The following CTNNA3 variants were observed in gnomAD, a reference collection of about 807,000 sequenced individuals.
The protein encoded by CTNNA3 is catenin alpha-3.
Under a neutral mutation model 95.7 loss-of-function variants are expected in CTNNA3, and 76 were observed. The observed-to-expected ratio is 0.79, with a 90% confidence interval of 0.66 to 0.96. The LOEUF (loss-of-function observed/expected upper bound fraction) is 0.96, where lower values mean the gene tolerates loss of function less well. CTNNA3 is among the 40% of genes least tolerant of loss of function. CTNNA3 has a pLI of 0.00. For synonymous variants in CTNNA3, 431 were observed against 374.4 expected (o/e 1.15, Z -1.74); for missense variants, 1,191 against 1,089.8 (o/e 1.09, Z -1.31).
At chr10:67,392,186 A>C (rs1844525350) in intron 5 of CTNNA3, among the ~76,000 whole-genome samples, 2 of 152,346 alleles carry the variant, frequency 1.3e-5, no homozygotes, top group Middle Eastern at 6.8e-3. Context: ...CAGAATCTAC[A>C]GTGAACTCAA....
chr10:66,862,510 G>A (rs1843981524), intron 7 of CTNNA3, among the ~76,000 whole-genome samples: 1 of 152,092 alleles, frequency 6.6e-6, no homozygotes, highest in African/African-American at 2.4e-5. Context: ...TTTGTGGAGG[G>A]GATATGGAAC....
At chr10:66,384,143 C>T (rs1040278876) in intron 11 of CTNNA3, among the ~76,000 whole-genome samples, 12 of 152,054 alleles carry the variant, frequency 7.9e-5, no homozygotes, top group African/African-American at 2.9e-4. Flanking sequence ...TTAAAAGACA[C>T]AGAGTGGCAT....
At chr10:67,243,307 C>T (rs1865786694) in intron 5 of CTNNA3, among the ~76,000 whole-genome samples, 1 of 152,126 alleles carries the variant, frequency 6.6e-6, no homozygotes, top group South Asian at 2.1e-4. Context: ...TATTATTACA[C>T]TCATTAACTA....
At chr10:66,332,411 A>ATACGTCCCATCAATACC (rs547582871) in intron 12 of CTNNA3, among the ~76,000 whole-genome samples, 84,488 of 146,558 alleles carry the variant, frequency 0.58, 25,671 homozygotes, top group African/African-American at 0.75. Flanking sequence ...TTATTTTGAG[A>ATACGTCCCATCAATACC]TAATTTATTG....
At chr10:66,828,774 G>C (rs1440567660) in intron 7 of CTNNA3, among the ~76,000 whole-genome samples, 1 of 152,160 alleles carries the variant, frequency 6.6e-6, no homozygotes, top group African/African-American at 2.4e-5. Flanking sequence ...ACCACTTGGA[G>C]AGTCATAGTC....
At chr10:67,116,721 A>AAT (rs34041126) in intron 7 of CTNNA3, among the ~76,000 whole-genome samples, 1,528 of 143,480 alleles carry the variant, frequency 0.011, 12 homozygotes, top group African/African-American at 0.022. Flanking sequence ...CAGTTTTGAA[A>AAT]ATATATATAT....
intron 7 of CTNNA3, among the ~76,000 whole-genome samples, chr10:66,938,981 T>C (rs1185971311): frequency 6.6e-6 from 1 of 152,150 alleles, no homozygotes; most frequent in Non-Finnish European, 1.5e-5. Flanking sequence ...GATGTCTCCT[T>C]ATCTCAGCCC....
chr10:66,290,378 G>A (rs1395074245), intron 12 of CTNNA3, among the ~76,000 whole-genome samples: 1 of 151,900 alleles, frequency 6.6e-6, no homozygotes. Context: ...CAAAAATGAA[G>A]CAATGGGTTA....
At chr10:66,703,890 A>C (rs1368116655) in intron 9 of CTNNA3, among the ~76,000 whole-genome samples, 4 of 152,178 alleles carry the variant, frequency 2.6e-5, no homozygotes, top group Non-Finnish European at 4.4e-5. Flanking sequence ...CAAATTTGTC[A>C]ATGAATTTTT....
chr10:67,740,960 C>T (rs995594577), intron 1 of CTNNA3, among the ~76,000 whole-genome samples: 20 of 151,264 alleles, frequency 1.3e-4, no homozygotes, highest in African/African-American at 4.8e-5. Context: ...ACATATACAC[C>T]ATGGAATACT....
At chr10:66,565,019 C>T (rs979107912) in intron 10 of CTNNA3, among the ~76,000 whole-genome samples, 2 of 152,168 alleles carry the variant, frequency 1.3e-5, no homozygotes, top group Admixed American at 1.3e-4. Flanking sequence ...AAATACCATT[C>T]TACCTTCCTT....
At chr10:67,391,118 C>T (rs867482638) in intron 5 of CTNNA3, among the ~76,000 whole-genome samples, 12 of 151,664 alleles carry the variant, frequency 7.9e-5, no homozygotes, top group African/African-American at 1.7e-4. Flanking sequence ...GTCAAATTGT[C>T]CCTGTTTGCA....
At chr10:67,507,538 A>C (rs1431597794) in intron 5 of CTNNA3, among the ~76,000 whole-genome samples, 1 of 151,972 alleles carries the variant, frequency 6.6e-6, no homozygotes, top group Non-Finnish European at 1.5e-5. Flanking sequence ...CCATCTCAAA[A>C]AAAAAAGGAA....
rs530112140 is a variant in CTNNA3, at chr10:66,391,303, A to G, written c.1532-11951T>C. On this transcript the variant is annotated intron_variant, in intron 11 of 17. Coordinates refer to ENST00000433211, the MANE Select transcript of CTNNA3 (RefSeq NM_013266.4). ...TTATTCACACACAATTCTATAGAAG[A>G]ACACACACACACGAAAAAAAAGAAA... Among the ~76,000 whole-genome samples, 8 of 152,244 alleles carry G rather than the reference A, an allele frequency of 5.3e-5. No homozygotes were observed. In the South Asian group the frequency reaches 1.7e-3, roughly 32 times the overall value.
chr10:66,257,787 T>A (rs569259276), intron 13 of CTNNA3, among the ~76,000 whole-genome samples: 2 of 152,310 alleles, frequency 1.3e-5, no homozygotes, highest in South Asian at 4.1e-4. Flanking sequence ...TGTAAAGGAA[T>A]CAGATGGCTC....
chr10:67,228,650 T>C (rs1341027875), intron 5 of CTNNA3, among the ~76,000 whole-genome samples: 1 of 151,920 alleles, frequency 6.6e-6, no homozygotes, highest in South Asian at 2.1e-4. Flanking sequence ...ATATTACAAC[T>C]GATACCACTG....
At chr10:66,443,208 T>A (rs971510833) in intron 11 of CTNNA3, among the ~76,000 whole-genome samples, 48 of 152,272 alleles carry the variant, frequency 3.2e-4, no homozygotes, top group African/African-American at 1.2e-3. Context: ...CCTGCCTGCC[T>A]CTGTAGGCTC....
intron 15 of CTNNA3, among the ~76,000 whole-genome samples, chr10:66,068,001 G>A (rs2080349403): frequency 1.3e-5 from 2 of 152,108 alleles, no homozygotes; most frequent in Admixed American, 6.6e-5. Context: ...TACAGATGAT[G>A]CACGTATGAA....
At chr10:66,739,402 T>C (rs1849252733) in intron 9 of CTNNA3, among the ~76,000 whole-genome samples, 1 of 152,178 alleles carries the variant, frequency 6.6e-6, no homozygotes, top group African/African-American at 2.4e-5. Context: ...CTTACAGCAA[T>C]TCTTCCAAGG....
Sources: allele counts gnomAD v4.1 joint callset (sites outside exome capture counted in the v4.1 genomes callset), GRCh38; gene constraint gnomAD v4.1.1; transcripts MANE v1.5; gene names NCBI Gene and HGNC (gene_info 2026-07-23, HGNC 2026-07-21).